Variants in SPAG16 observed in about 807,000 individuals in gnomAD.
SPAG16 encodes the protein sperm associated antigen 16.
A neutral mutation model predicts 80.4 loss-of-function variants in SPAG16; 86 were observed. That is an observed-to-expected ratio of 1.07 (90% CI 0.90 to 1.28). SPAG16 has a LOEUF of 1.28. Among genes scored for constraint, SPAG16 ranks in the 50% most tolerant of loss-of-function variants. The pLI is 0.00. For synonymous variants in SPAG16, 294 were observed against 265.9 expected (o/e 1.11, Z -1.03); for missense variants, 870 against 765.3 (o/e 1.14, Z -1.61).
chr2:214,248,295 ATT>A (rs1370653973), intron 15 of SPAG16, among the ~76,000 whole-genome samples: 3 of 75,172 alleles, frequency 4.0e-5, no homozygotes, highest in Non-Finnish European at 8.1e-5. Flanking sequence ...TTATATTATT[ATT>A]ATTATTATTA....
chr2:213,375,945 T>G (rs1373745276), intron 9 of SPAG16, among the ~76,000 whole-genome samples: 1 of 150,438 alleles, frequency 6.6e-6, no homozygotes, highest in Non-Finnish European at 1.5e-5. Context: ...CAATGAATTT[T>G]TATAAATTTG....
chr2:213,732,130 T>C (rs937773888), intron 10 of SPAG16, among the ~76,000 whole-genome samples: 1 of 152,226 alleles, frequency 6.6e-6, no homozygotes, highest in Non-Finnish European at 1.5e-5. Flanking sequence ...ATTTTCTGCA[T>C]ATGGCTAGCC....
At chr2:213,671,417 G>T (rs1328397637) in intron 10 of SPAG16, among the ~76,000 whole-genome samples, 1 of 152,048 alleles carries the variant, frequency 6.6e-6, no homozygotes, top group Non-Finnish European at 1.5e-5. Context: ...TCAGAGTAAG[G>T]AGCCTTGTTT....
intron 10 of SPAG16, among the ~76,000 whole-genome samples, chr2:213,692,341 CA>C (rs1268167552): frequency 6.6e-6 from 1 of 152,094 alleles, no homozygotes; most frequent in African/African-American, 2.4e-5. Flanking sequence ...TATTTATTTA[CA>C]TTAATTTCAC....
chr2:214,143,965 C>A (rs1467619735), intron 14 of SPAG16, among the ~76,000 whole-genome samples: 3 of 152,042 alleles, frequency 2.0e-5, no homozygotes, highest in Non-Finnish European at 4.4e-5. Context: ...TGAGACCAGC[C>A]TGAGCAACAT....
chr2:213,351,104 C>T (rs750469938), intron 7 of SPAG16, among the ~76,000 whole-genome samples: 2 of 151,992 alleles, frequency 1.3e-5, no homozygotes, highest in Non-Finnish European at 2.9e-5. Context: ...TGGCCCCATA[C>T]CACTGCACTC....
chr2:214,027,525 T>C (rs1218633990), intron 13 of SPAG16, among the ~76,000 whole-genome samples: 1 of 151,748 alleles, frequency 6.6e-6, no homozygotes, highest in East Asian at 1.9e-4. Context: ...GTGGTAAAAT[T>C]TGCATTTTTA....
chr2:213,496,046 C>CA (rs2074472297), intron 10 of SPAG16, among the ~76,000 whole-genome samples: 1 of 152,068 alleles, frequency 6.6e-6, no homozygotes, highest in Non-Finnish European at 1.5e-5. Context: ...AAGAATTACA[C>CA]AGTTTTACAT....
At chr2:214,339,118 A>G (rs1697495306) in intron 15 of SPAG16, among the ~76,000 whole-genome samples, 2 of 152,220 alleles carry the variant, frequency 1.3e-5, no homozygotes, top group Admixed American at 1.3e-4. Context: ...TTATGCTCAA[A>G]GAGAGTTAGA....
chr2:213,974,964 A>AAAAAAAC lies in SPAG16; in HGVS notation c.1401-38986_1401-38985insAAAAACA, dbSNP rs1479884791. 5.1e-3 allele frequency among the ~76,000 whole-genome samples: 756 copies of AAAAAAAC among 147,616 alleles called. 6 individuals are homozygous for AAAAAAAC. Among genetic ancestry groups the AAAAAAAC allele is most frequent in the African/African-American group, 0.019 (721 of 37,916 alleles). ...AGATGTCGTTAAAAAAAAAAAAAAA[A>AAAAAAAC]ACACAAAATGTGTAAAAAGAGACAT... is the stretch of plus-strand genomic sequence containing the variant. On this transcript the variant is annotated intron_variant, in intron 12 of 15. Coordinates refer to ENST00000331683, the MANE Select transcript of SPAG16 (RefSeq NM_024532.5).
At chr2:213,968,433 T>C (rs1472524534) in intron 12 of SPAG16, among the ~76,000 whole-genome samples, 2 of 152,206 alleles carry the variant, frequency 1.3e-5, no homozygotes, top group African/African-American at 4.8e-5. Flanking sequence ...CCTCAAGTGA[T>C]CTGCCCACCT....
At chr2:213,317,894 G>C (rs1470691150) in intron 5 of SPAG16, 1 of 189,798 alleles carries the variant, frequency 5.3e-6, no homozygotes, top group East Asian at 1.9e-4. Flanking sequence ...AGTAGGAGGT[G>C]TATGGGACAT....
intron 15 of SPAG16, among the ~76,000 whole-genome samples, chr2:214,180,184 A>T (rs1379019168): frequency 1.3e-5 from 2 of 151,634 alleles, no homozygotes; most frequent in Non-Finnish European, 3.0e-5. Context: ...ATTCAGAGGG[A>T]AACTGGGAAC....
chr2:213,449,979 C>A (rs1337654521), intron 9 of SPAG16, among the ~76,000 whole-genome samples: 2 of 152,110 alleles, frequency 1.3e-5, no homozygotes, highest in Non-Finnish European at 2.9e-5. Flanking sequence ...TCTTTTATAG[C>A]CCTTTCCATA....
intron 15 of SPAG16, among the ~76,000 whole-genome samples, chr2:214,258,283 A>G (rs1690846142): frequency 6.6e-6 from 1 of 151,780 alleles, no homozygotes; most frequent in Non-Finnish European, 1.5e-5. Context: ...CCATTATATC[A>G]TGCCTTTGCA....
chr2:213,572,947 G>A (rs1004283895), intron 10 of SPAG16, among the ~76,000 whole-genome samples: 79 of 152,206 alleles, frequency 5.2e-4, no homozygotes, highest in African/African-American at 8.7e-4. Context: ...ATGGTTCGCC[G>A]CTTTTTAAGC....
intron 10 of SPAG16, among the ~76,000 whole-genome samples, chr2:213,649,732 G>C (rs528494360): frequency 5.3e-4 from 81 of 152,138 alleles, no homozygotes; most frequent in African/African-American, 1.8e-3. Context: ...ACACCACCAT[G>C]GTGGGCTAAT....
At chr2:213,702,927 C>G (rs1413993867) in intron 10 of SPAG16, among the ~76,000 whole-genome samples, 3 of 152,176 alleles carry the variant, frequency 2.0e-5, no homozygotes, top group African/African-American at 7.2e-5. Flanking sequence ...TTTGCCGTGA[C>G]TGTGTTAGTG....
chr2:214,019,152 G>T (rs1320549556), intron 13 of SPAG16, among the ~76,000 whole-genome samples: 1 of 152,062 alleles, frequency 6.6e-6, no homozygotes, highest in Non-Finnish European at 1.5e-5. Flanking sequence ...AACTGAATGA[G>T]AAATTATAAG....
Sources: allele counts gnomAD v4.1 joint callset (sites outside exome capture counted in the v4.1 genomes callset), GRCh38; gene constraint gnomAD v4.1.1; transcripts MANE v1.5; gene names NCBI Gene and HGNC (gene_info 2026-07-23, HGNC 2026-07-21).